The following ARHGAP39 variants were observed in gnomAD, a reference collection of about 807,000 sequenced individuals.
The protein encoded by ARHGAP39 is Rho GTPase activating protein 39.
A neutral mutation model predicts 106.9 loss-of-function variants in ARHGAP39; 44 were observed. The ratio of observed to expected loss-of-function variants is 0.41; its 90% CI spans 0.32 to 0.53. The LOEUF is 0.53. Ranked by LOEUF, ARHGAP39 falls within the 20% of genes least tolerant of loss-of-function variation. The pLI, the probability that ARHGAP39 is intolerant of heterozygous loss-of-function variation, is 0.21. For synonymous variants in ARHGAP39, 768 were observed against 693.2 expected (o/e 1.11, Z -1.69); for missense variants, 1,496 against 1,577.3 (o/e 0.95, Z 0.87).
chr8:144,628,030 G>A (rs1422020029), intron 1 of ARHGAP39, among the ~76,000 whole-genome samples: 1 of 152,230 alleles, frequency 6.6e-6, no homozygotes, highest in Non-Finnish European at 1.5e-5. Flanking sequence ...CAGGAGGCTG[G>A]CACTGCCAGT....
At chr8:144,655,413 C>T (rs974852972) in intron 1 of ARHGAP39, among the ~76,000 whole-genome samples, 1 of 152,190 alleles carries the variant, frequency 6.6e-6, no homozygotes, top group African/African-American at 2.4e-5. Flanking sequence ...GGACTACTGG[C>T]TACAAAGAGG....
chr8:144,619,614 G>A (rs773836594), intron 1 of ARHGAP39, among the ~76,000 whole-genome samples: 4 of 150,388 alleles, frequency 2.7e-5, no homozygotes, highest in Non-Finnish European at 5.9e-5. Context: ...GTGCATGTCC[G>A]TGTGTGAGCC....
chr8:144,696,075 A>G, the ARHGAP39 span, among the ~76,000 whole-genome samples: 1 of 152,178 alleles, frequency 6.6e-6, no homozygotes, highest in African/African-American at 2.4e-5. Context: ...GGATTACAGT[A>G]CTAAGCACTG....
At chr8:144,561,120 C>A (rs982991959) in intron 3 of ARHGAP39, among the ~76,000 whole-genome samples, 5 of 152,230 alleles carry the variant, frequency 3.3e-5, no homozygotes, top group African/African-American at 4.8e-5. Flanking sequence ...GCCCTAGGAC[C>A]CCAGTGGTTT....
At chr8:144,639,753 G>A (rs931733574) in intron 1 of ARHGAP39, among the ~76,000 whole-genome samples, 2 of 152,134 alleles carry the variant, frequency 1.3e-5, no homozygotes, top group African/African-American at 4.8e-5. Context: ...CTGCGTGGAT[G>A]ATGCTGACAC....
chr8:144,530,352 G>C lies in ARHGAP39; in HGVS notation c.*70C>G. 6.7e-7 allele frequency: 1 copy of C among 1,482,916 alleles called. No individual in the cohort carries two copies. The highest frequency in any genetic ancestry group is 9.1e-7 in the Non-Finnish European group (1 of 1,098,986). 91.9% of individuals were successfully genotyped at this position (1,482,916 alleles called of 1,614,324 possible). ...GCCGGGCGATTCTGGCCCCTCTGCCGGGAGAGCGAGTGCGGAGTTCGGCCT... is the reference window on the plus strand; with the variant it reads ...GCCGGGCGATTCTGGCCCCTCTGCCCGGAGAGCGAGTGCGGAGTTCGGCCT... On this transcript the variant is annotated 3_prime_UTR_variant, in exon 12 of 12. Transcript: ENST00000377307.
rs554110366 is a variant in ARHGAP39, at chr8:144,620,897, G to A, written c.-81-15202C>T. On this transcript the variant is annotated intron_variant, in intron 1 of 11. Coordinates refer to ENST00000377307, the MANE Select transcript of ARHGAP39 (RefSeq NM_025251.3). ...CTCCTGAGGTGGCCACTGTGCCCTC[G>A]AGGTGAAGGTGCCGGGAAGGAACTG... is the stretch of plus-strand genomic sequence containing the variant. Among the ~76,000 whole-genome samples the A allele has an allele frequency of 2.0e-3, 306 of 152,368 alleles. 1 individual carries two copies. The highest frequency in any genetic ancestry group is 6.8e-3 in the Middle Eastern group (2 of 294).
chr8:144,659,437 G>A (rs967284407), intron 1 of ARHGAP39, among the ~76,000 whole-genome samples: 4 of 152,164 alleles, frequency 2.6e-5, no homozygotes, highest in East Asian at 1.9e-4. Context: ...AAAGTTTCAC[G>A]TGTTCAACTT....
At chr8:144,677,173 C>T (rs919937602) in intron 1 of ARHGAP39, among the ~76,000 whole-genome samples, 7 of 152,192 alleles carry the variant, frequency 4.6e-5, no homozygotes, top group African/African-American at 1.7e-4. Flanking sequence ...TGTGTTTATC[C>T]GTTCATCCGC....
the ARHGAP39 span, among the ~76,000 whole-genome samples, chr8:144,695,157 C>T: frequency 2.1e-5 from 3 of 142,754 alleles, no homozygotes; most frequent in East Asian, 6.3e-4. Flanking sequence ...TTACTGCAAG[C>T]TCCGCCTCCC....
At chr8:144,665,328 C>A (rs1447164120) in intron 1 of ARHGAP39, among the ~76,000 whole-genome samples, 1 of 152,206 alleles carries the variant, frequency 6.6e-6, no homozygotes, top group Non-Finnish European at 1.5e-5. Context: ...AAATTTGCAG[C>A]CTGATGATGC....
chr8:144,548,264 GGGTGAC>G lies in ARHGAP39; in HGVS notation c.816_821del (p.Ser273_Pro274del). ...CTGGGAGCTCGGCCCTCTTCAGGAAGGGTGACGGCCTCCTCTCTGGGAAGAAGATGG... is the reference window on the plus strand; with the variant it reads ...CTGGGAGCTCGGCCCTCTTCAGGAAGGGCCTCCTCTCTGGGAAGAAGATGG... On this transcript the variant is annotated inframe_deletion, in exon 5 of 12. Coordinates refer to ENST00000377307, the MANE Select transcript of ARHGAP39 (RefSeq NM_025251.3). The surrounding 1 kb of genome is among the most constrained non-coding windows in gnomAD (Gnocchi z 7.4). The G allele has an allele frequency of 1.2e-6, 2 of 1,608,782 alleles. No individual in the cohort carries two copies. Among genetic ancestry groups the G allele is most frequent in the Non-Finnish European group, 1.7e-6 (2 of 1,177,820 alleles).
chr8:144,596,232 C>T (rs1819617014), intron 2 of ARHGAP39, among the ~76,000 whole-genome samples: 1 of 150,818 alleles, frequency 6.6e-6, no homozygotes, highest in East Asian at 2.0e-4. Context: ...GCCACCCCGG[C>T]ACTCTCCACC....
intron 1 of ARHGAP39, among the ~76,000 whole-genome samples, chr8:144,666,635 C>T (rs1821969683): frequency 6.6e-6 from 1 of 152,194 alleles, no homozygotes; most frequent in African/African-American, 2.4e-5. Flanking sequence ...TCTCTTGCTG[C>T]CGCCATGTAA....
At chr8:144,661,205 G>A (rs1258198386) in intron 1 of ARHGAP39, among the ~76,000 whole-genome samples, 1 of 152,076 alleles carries the variant, frequency 6.6e-6, no homozygotes, top group African/African-American at 2.4e-5. Context: ...CAGGCAGTGT[G>A]GAGCAGAGGA....
In ARHGAP39 at chr8:144,586,942, G is replaced by A. The variant is rs577400112; in HGVS notation, c.81-5665C>T. 6.6e-6 allele frequency among the ~76,000 whole-genome samples: 1 copy of A among 152,344 alleles called. No individual in the cohort carries two copies. The highest frequency in any genetic ancestry group is 1.9e-4 in the East Asian group (1 of 5,182). On this transcript the variant is annotated intron_variant, in intron 2 of 11. Transcript: ENST00000377307. The surrounding 1 kb of genome is among the most constrained non-coding windows in gnomAD (Gnocchi z 4.2). ...GTAGTTCCCACAACCCCCAAGTGTAGTGGGAGGGAACAAGTGGAGGTAACT... is the reference window on the plus strand; with the variant it reads ...GTAGTTCCCACAACCCCCAAGTGTAATGGGAGGGAACAAGTGGAGGTAACT...
At chr8:144,680,155 T>C (rs937911538) in intron 1 of ARHGAP39, among the ~76,000 whole-genome samples, 5 of 152,222 alleles carry the variant, frequency 3.3e-5, no homozygotes, top group Non-Finnish European at 2.9e-5. Context: ...TGCAGTGCTA[T>C]GTCCCTACTC....
In ARHGAP39 at chr8:144,547,606, G is replaced by A; in HGVS notation, c.1480C>T (p.Arg494Trp). The change falls in exon 5 of 12, where the codon CGG becomes TGG. Residue 494 changes from arginine to tryptophan, a missense_variant. Around this residue, in one of 4 missense-constraint regions of ARHGAP39, gnomAD observed 905 missense variants for 816.4 expected, o/e 1.11. Transcript: ENST00000377307. The surrounding 1 kb of genome is among the most constrained non-coding windows in gnomAD (Gnocchi z 5.2). Reference sequence around the variant, plus strand: ...CACAAAGAGGGCTTTCTGCTCTTCCGCTTGCGCGTGCCCGGGGAGTAGCCT... The same window carrying A: ...CACAAAGAGGGCTTTCTGCTCTTCCACTTGCGCGTGCCCGGGGAGTAGCCT... ...STGYSPGTRK[R>W]KSRKPSLCQA... The A allele has an allele frequency of 1.3e-6, 2 of 1,484,226 alleles. No individual in the cohort carries two copies. The highest frequency in any genetic ancestry group is 1.8e-6 in the Non-Finnish European group (2 of 1,119,252). The allele number at this position is 1,484,226 out of a possible 1,614,324, so 91.9% of individuals were successfully genotyped here.
At chr8:144,552,958 G>A (rs1228972305) in intron 4 of ARHGAP39, among the ~76,000 whole-genome samples, 2 of 152,216 alleles carry the variant, frequency 1.3e-5, no homozygotes, top group Non-Finnish European at 2.9e-5. Flanking sequence ...GGGCTTCCAA[G>A]GCCTTCCGAG....
Sources: allele counts gnomAD v4.1 joint callset (sites outside exome capture counted in the v4.1 genomes callset), GRCh38; gene constraint gnomAD v4.1.1; regional missense constraint gnomAD v4.1.1; non-coding constraint Gnocchi (gnomAD v3.1); transcripts MANE v1.5; gene names NCBI Gene and HGNC (gene_info 2026-07-23, HGNC 2026-07-21).